The following RBFOX1 variants were observed in gnomAD, a reference collection of about 807,000 sequenced individuals.
The protein encoded by RBFOX1 is RNA binding fox-1 homolog 1.
A neutral mutation model predicts 57.7 loss-of-function variants in RBFOX1; 8 were observed. The ratio of observed to expected loss-of-function variants is 0.14; its 90% CI spans 0.08 to 0.25. The LOEUF (loss-of-function observed/expected upper bound fraction) is 0.25, where lower values mean the gene tolerates loss of function less well. RBFOX1 is among the 10% of genes least tolerant of loss of function. RBFOX1 has a pLI of 1.00. For synonymous variants in RBFOX1, 326 were observed against 222.4 expected (o/e 1.47, Z -4.15); for missense variants, 611 against 548.5 (o/e 1.11, Z -1.14).
At chr16:5,432,650 A>G (rs2054206881) in intron 1 of RBFOX1, among the ~76,000 whole-genome samples, 1 of 148,480 alleles carries the variant, frequency 6.7e-6, no homozygotes. Flanking sequence ...TTCTGGTATC[A>G]GAGAAGACAT....
At chr16:6,756,918 T>G (rs1235348374) in intron 3 of RBFOX1, among the ~76,000 whole-genome samples, 9 of 152,008 alleles carry the variant, frequency 5.9e-5, no homozygotes, top group Non-Finnish European at 1.0e-4. Flanking sequence ...GAGGTTGCAG[T>G]GAGCTGAGAT....
intron 3 of RBFOX1, among the ~76,000 whole-genome samples, chr16:6,919,115 G>C (rs965213089): frequency 1.3e-5 from 2 of 152,140 alleles, no homozygotes; most frequent in African/African-American, 4.8e-5. Context: ...GAGTAGCTGG[G>C]ATTACAGGCA....
At chr16:7,304,463 T>C in intron 4 of RBFOX1, 1 of 985,222 alleles carries the variant, frequency 1.0e-6, no homozygotes, top group South Asian at 4.7e-5. Context: ...TCGTGTGCCT[T>C]GACTTTTATG....
intron 14 of RBFOX1, among the ~76,000 whole-genome samples, chr16:7,702,704 C>A (rs751824334): frequency 2.0e-5 from 3 of 152,152 alleles, no homozygotes; most frequent in Non-Finnish European, 4.4e-5. Context: ...TTGCTGAAAG[C>A]CGAGCATTTT....
At chr16:6,892,648 C>G (rs1189147777) in intron 3 of RBFOX1, among the ~76,000 whole-genome samples, 1 of 151,824 alleles carries the variant, frequency 6.6e-6, no homozygotes, top group African/African-American at 2.4e-5. Flanking sequence ...CCAGCCTGGG[C>G]AACAGAGCAG....
At chr16:5,891,593 G>T (rs1270125980) in intron 4 of RBFOX1, among the ~76,000 whole-genome samples, 2 of 152,152 alleles carry the variant, frequency 1.3e-5, no homozygotes, top group African/African-American at 4.8e-5. Flanking sequence ...TGGCAGAGGG[G>T]TTCCTTCTAG....
intron 5 of RBFOX1, among the ~76,000 whole-genome samples, chr16:7,538,997 G>A (rs1361171323): frequency 1.3e-5 from 2 of 152,090 alleles, no homozygotes; most frequent in African/African-American, 2.4e-5. Context: ...AAAAAGGTGT[G>A]TCTCAAGAAA....
chr16:7,032,696 T>A (rs1568456631), intron 3 of RBFOX1, among the ~76,000 whole-genome samples: 1 of 152,028 alleles, frequency 6.6e-6, no homozygotes, highest in East Asian at 2.0e-4. Context: ...GAACACATGG[T>A]TCATTTTCAG....
chr16:5,269,897 G>T (rs2151119716), intron 1 of RBFOX1, among the ~76,000 whole-genome samples: 1 of 152,324 alleles, frequency 6.6e-6, no homozygotes, highest in East Asian at 1.9e-4. Flanking sequence ...GCTCACACCT[G>T]AAATCCCAGT....
intron 3 of RBFOX1, among the ~76,000 whole-genome samples, chr16:5,852,651 T>C (rs956428808): frequency 2.0e-5 from 3 of 151,970 alleles, no homozygotes; most frequent in African/African-American, 7.3e-5. Flanking sequence ...AGGGGGGTGA[T>C]TAATATACTG....
chr16:5,963,663 T>C (rs2059793198), intron 4 of RBFOX1, among the ~76,000 whole-genome samples: 1 of 152,178 alleles, frequency 6.6e-6, no homozygotes, highest in Non-Finnish European at 1.5e-5. Flanking sequence ...GGGGAAAGGA[T>C]GGTCTCTTCG....
intron 1 of RBFOX1, among the ~76,000 whole-genome samples, chr16:6,242,292 C>T (rs866451616): frequency 2.0e-5 from 3 of 152,148 alleles, no homozygotes; most frequent in Admixed American, 2.0e-4. Flanking sequence ...GCCTTTGCTA[C>T]TTAATCAAAT....
chr16:6,371,579 T>A (rs2090439207), intron 2 of RBFOX1, among the ~76,000 whole-genome samples: 1 of 152,132 alleles, frequency 6.6e-6, no homozygotes, highest in East Asian at 1.9e-4. Context: ...CAGAAGATAT[T>A]CCAGGTATAT....
intron 4 of RBFOX1, among the ~76,000 whole-genome samples, chr16:5,903,742 A>G (rs937751250): frequency 1.3e-5 from 2 of 152,100 alleles, no homozygotes; most frequent in African/African-American, 4.8e-5. Flanking sequence ...CTCCCACCCC[A>G]CAAACACTAC....
At chr16:7,698,902 T>C (rs1453815990) in intron 14 of RBFOX1, among the ~76,000 whole-genome samples, 1 of 152,118 alleles carries the variant, frequency 6.6e-6, no homozygotes, top group African/African-American at 2.4e-5. Flanking sequence ...TTTGTGAAAA[T>C]TAAAGATGTC....
At chr16:7,262,623 C>T (rs1158515214) in intron 4 of RBFOX1, among the ~76,000 whole-genome samples, 1 of 152,254 alleles carries the variant, frequency 6.6e-6, no homozygotes, top group Non-Finnish European at 1.5e-5. Context: ...TCTGGCTCAT[C>T]TCTGCAGCTT....
At chr16:7,363,116 A>C (rs4786147) in intron 4 of RBFOX1, among the ~76,000 whole-genome samples, 2 of 151,932 alleles carry the variant, frequency 1.3e-5, no homozygotes, top group Admixed American at 1.3e-4. Flanking sequence ...TGCTGCTCTT[A>C]CGCTGTGACT....
intron 4 of RBFOX1, among the ~76,000 whole-genome samples, chr16:5,895,470 C>T (rs1018277502): frequency 1.3e-5 from 2 of 152,184 alleles, no homozygotes; most frequent in Non-Finnish European, 2.9e-5. Context: ...AAGAAGAAAA[C>T]GTACGTGATT....
At chr16:5,259,621 GGTAA>G (rs762947450) in intron 1 of RBFOX1, among the ~76,000 whole-genome samples, 2 of 152,130 alleles carry the variant, frequency 1.3e-5, no homozygotes, top group African/African-American at 2.4e-5. Flanking sequence ...AGCGTGTGTT[GGTAA>G]GTGAGAGACA....
Sources: allele counts gnomAD v4.1 joint callset (sites outside exome capture counted in the v4.1 genomes callset), GRCh38; gene constraint gnomAD v4.1.1; transcripts MANE v1.5; gene names NCBI Gene and HGNC (gene_info 2026-07-23, HGNC 2026-07-21).